The following CDH18 variants were observed in gnomAD, a reference collection of about 807,000 sequenced individuals.
The protein encoded by CDH18 is cadherin 18, also known as cadherin-18.
A neutral mutation model predicts 67.9 loss-of-function variants in CDH18; 31 were observed. That is an observed-to-expected ratio of 0.46 (90% CI 0.34 to 0.62). The LOEUF (loss-of-function observed/expected upper bound fraction) is 0.62, where lower values mean the gene tolerates loss of function less well. Ranked by LOEUF, CDH18 falls within the 20% of genes least tolerant of loss-of-function variation. CDH18 has a pLI of 0.01. For missense variants in CDH18, 890 were observed against 975.5 expected (o/e 0.91, Z 1.17); for synonymous variants, 362 against 347.2 (o/e 1.04, Z -0.48).
At chr5:20,013,829 CTTTG>C (rs1407169556) in intron 2 of CDH18, among the ~76,000 whole-genome samples, 3 of 152,030 alleles carry the variant, frequency 2.0e-5, no homozygotes, top group African/African-American at 4.8e-5. Context: ...TAGAATATCA[CTTTG>C]TTTGTTCTTT....
intron 2 of CDH18, among the ~76,000 whole-genome samples, chr5:20,081,810 G>A (rs1342366043): frequency 1.3e-5 from 2 of 152,010 alleles, no homozygotes; most frequent in Non-Finnish European, 2.9e-5. Flanking sequence ...GAGAGTGGGA[G>A]GAAAGTGAGG....
At chr5:19,538,351 A>G (rs16885841) in intron 9 of CDH18, among the ~76,000 whole-genome samples, 3,245 of 152,236 alleles carry the variant, frequency 0.021, 95 homozygotes, top group African/African-American at 0.073. Flanking sequence ...CAGCTGTATT[A>G]TAGATTGCAC....
At chr5:19,635,682 T>C (rs1256566425) in intron 5 of CDH18, among the ~76,000 whole-genome samples, 2 of 152,176 alleles carry the variant, frequency 1.3e-5, no homozygotes, top group Non-Finnish European at 2.9e-5. Context: ...TATATGTTAT[T>C]TCTCTACATA....
chr5:19,769,937 A>T (rs1773545126), intron 3 of CDH18, among the ~76,000 whole-genome samples: 1 of 151,966 alleles, frequency 6.6e-6, no homozygotes. Flanking sequence ...TTGAGTACAC[A>T]CTTCTCAAAA....
chr5:20,539,825 T>C (rs572791753), intron 1 of CDH18, among the ~76,000 whole-genome samples: 5 of 151,690 alleles, frequency 3.3e-5, no homozygotes, highest in Non-Finnish European at 7.4e-5. Context: ...TAATTTACTA[T>C]GGAAGGAAGA....
At chr5:19,534,130 C>G (rs185816436) in intron 9 of CDH18, among the ~76,000 whole-genome samples, 1 of 151,356 alleles carries the variant, frequency 6.6e-6, no homozygotes, top group Non-Finnish European at 1.5e-5. Flanking sequence ...TGTGTAGAAC[C>G]TAAAAGGTAT....
chr5:20,452,945 G>A (rs1316112940), intron 1 of CDH18, among the ~76,000 whole-genome samples: 1 of 152,032 alleles, frequency 6.6e-6, no homozygotes, highest in African/African-American at 2.4e-5. Flanking sequence ...CAACGATAGA[G>A]AATTACCATG....
intron 1 of CDH18, among the ~76,000 whole-genome samples, chr5:20,502,092 C>T (rs1266018530): frequency 2.0e-5 from 3 of 152,032 alleles, no homozygotes; most frequent in African/African-American, 4.8e-5. Context: ...TCCTGTCAGC[C>T]TATTCCAAAT....
intron 9 of CDH18, 67 bp from the exon 10 acceptor site, chr5:19,520,845 T>A: frequency 6.5e-7 from 1 of 1,545,602 alleles, no homozygotes; most frequent in African/African-American, 1.4e-5. Context: ...TTAAAACAAA[T>A]CTCTTTAATA....
At chr5:20,341,161 G>A (rs949700059) in intron 1 of CDH18, among the ~76,000 whole-genome samples, 3 of 152,102 alleles carry the variant, frequency 2.0e-5, no homozygotes, top group African/African-American at 7.2e-5. Flanking sequence ...TGGATTGAAG[G>A]ATGCAATATT....
At chr5:19,735,557 G>A (rs1043282615) in intron 4 of CDH18, among the ~76,000 whole-genome samples, 130 of 151,974 alleles carry the variant, frequency 8.6e-4, no homozygotes, top group African/African-American at 2.7e-3. Context: ...CACCACGCCC[G>A]GCTAATTGTT....
At position 19,994,855 on chromosome 5, in the gene CDH18, T is replaced by TATATATAGAGAGAGAGAG. The variant is rs760777430; in HGVS notation, c.-517-2842_-517-2841insCTCTCTCTCTCTATATAT. ...ATATATATATATATATATATATATA[T>TATATATAGAGAGAGAGAG]AGAGAGAGAGAGAGAGAGAGAGATG... On this transcript the variant is annotated intron_variant, in intron 2 of 14. Coordinates refer to the CDH18 transcript ENST00000507958. Among the ~76,000 whole-genome samples the TATATATAGAGAGAGAGAG allele has an allele frequency of 1.3e-3, 91 of 67,582 alleles. 16 individuals are homozygous for TATATATAGAGAGAGAGAG. Among genetic ancestry groups the TATATATAGAGAGAGAGAG allele is most frequent in the African/African-American group, 6.2e-3 (84 of 13,596 alleles). 44.3% of individuals were successfully genotyped at this position (67,582 alleles called of 152,430 possible).
At chr5:19,625,888 C>G (rs1751464130) in intron 5 of CDH18, among the ~76,000 whole-genome samples, 3 of 152,110 alleles carry the variant, frequency 2.0e-5, no homozygotes, top group Non-Finnish European at 4.4e-5. Context: ...CTAGCAAGGA[C>G]TCAGGCCTTG....
chr5:20,540,709 G>T (rs1757005275), intron 1 of CDH18, among the ~76,000 whole-genome samples: 2 of 152,220 alleles, frequency 1.3e-5, no homozygotes, highest in Non-Finnish European at 2.9e-5. Context: ...TACAGCATCA[G>T]ATGTCAACTA....
intron 2 of CDH18, among the ~76,000 whole-genome samples, chr5:19,914,144 G>C (rs1229555595): frequency 6.6e-6 from 1 of 151,978 alleles, no homozygotes; most frequent in Non-Finnish European, 1.5e-5. Context: ...AGTCAATGGG[G>C]GAAAATGGTG....
intron 2 of CDH18, among the ~76,000 whole-genome samples, chr5:19,865,447 C>T (rs549093275): frequency 6.4e-4 from 97 of 152,170 alleles, no homozygotes; most frequent in African/African-American, 2.1e-3. Flanking sequence ...AAATTCTATC[C>T]GGGCAAATTT....
At chr5:20,391,932 T>G (rs1471437681) in intron 1 of CDH18, among the ~76,000 whole-genome samples, 1 of 35,474 alleles carries the variant, frequency 2.8e-5, no homozygotes, top group Non-Finnish European at 5.4e-5. Context: ...AAATGATTAA[T>G]TTATTGTTAT....
At chr5:20,258,046 CA>C (rs1744376989) in intron 1 of CDH18, among the ~76,000 whole-genome samples, 1 of 151,974 alleles carries the variant, frequency 6.6e-6, no homozygotes. Context: ...ATTCATTCTC[CA>C]ATTTATAGGT....
chr5:19,924,598 C>A (rs1792889565), intron 2 of CDH18, among the ~76,000 whole-genome samples: 1 of 152,128 alleles, frequency 6.6e-6, no homozygotes, highest in Non-Finnish European at 1.5e-5. Flanking sequence ...TGCACTCCAG[C>A]CTGGGCGAAA....
Sources: gnomAD v4.1 joint callset for allele counts (sites outside exome capture counted in the v4.1 genomes callset) on GRCh38, gnomAD v4.1.1 for gene constraint, MANE v1.5 for transcripts, NCBI Gene and HGNC (gene_info 2026-07-23, HGNC 2026-07-21) for gene names.